Variants in RYR3 observed in about 807,000 individuals in gnomAD.
The protein encoded by RYR3 is brain ryanodine receptor-calcium release channel.
A neutral mutation model predicts 584.3 loss-of-function variants in RYR3; 207 were observed. That is an observed-to-expected ratio of 0.35 (90% CI 0.32 to 0.40). The LOEUF (loss-of-function observed/expected upper bound fraction) is 0.40, where lower values mean the gene tolerates loss of function less well. RYR3 is among the 10% of genes least tolerant of loss of function. RYR3 has a pLI of 1.00. For synonymous variants in RYR3, 2,416 were observed against 2,248.5 expected (o/e 1.07, Z -2.11); for missense variants, 5,616 against 6,089.2 (o/e 0.92, Z 2.59).
In RYR3 at chr15:33,813,547, T is replaced by C; in HGVS notation, c.10470T>C (p.Cys3490=). 5 of 1,613,978 alleles carry C rather than the reference T, an allele frequency of 3.1e-6. No individual in the cohort carries two copies. The highest frequency in any genetic ancestry group is 4.2e-6 in the Non-Finnish European group (5 of 1,179,874). Residue 3490 remains cysteine, a synonymous_variant, in exon 74 of 104, where the codon TGT becomes TGC. Transcript: ENST00000634891. ...AACGGAAACGGGCAGTGGTGGCCTG[T>C]TTCAGGATGGCCCCTCTCTACAACC... is the stretch of plus-strand genomic sequence containing the variant. ...SKQRKRAVVA[C]FRMAPLYNLP... is the part of the protein sequence containing the mutation.
chr15:33,407,872 C>G (rs2043130174), intron 1 of RYR3, among the ~76,000 whole-genome samples: 1 of 152,076 alleles, frequency 6.6e-6, no homozygotes, highest in African/African-American at 2.4e-5. Context: ...TTTCCTGTGG[C>G]ATGTATATAT....
intron 1 of RYR3, among the ~76,000 whole-genome samples, chr15:33,440,113 C>T (rs920940580): frequency 7.9e-5 from 12 of 152,078 alleles, no homozygotes. Flanking sequence ...CATAGGGAGA[C>T]CCTGCTTCTA....
At chr15:33,483,983 A>AGT (rs995651820) in intron 2 of RYR3, among the ~76,000 whole-genome samples, 14 of 152,192 alleles carry the variant, frequency 9.2e-5, no homozygotes, top group African/African-American at 3.4e-4. Context: ...ATCTTTAAAA[A>AGT]GTAATATTCC....
At chr15:33,354,357 A>G (rs1750625029) in intron 1 of RYR3, among the ~76,000 whole-genome samples, 2 of 152,340 alleles carry the variant, frequency 1.3e-5, no homozygotes, top group South Asian at 4.1e-4. Flanking sequence ...CACTTCTGGT[A>G]GAGCATTGCC....
intron 43 of RYR3, among the ~76,000 whole-genome samples, chr15:33,718,011 C>G (rs1466202563): frequency 6.6e-6 from 1 of 152,170 alleles, no homozygotes; most frequent in Non-Finnish European, 1.5e-5. Context: ...TCACTTAGTT[C>G]ATACAAGTTG....
chr15:33,564,500 C>A (rs1481021024), intron 11 of RYR3, among the ~76,000 whole-genome samples: 1 of 152,136 alleles, frequency 6.6e-6, no homozygotes, highest in Admixed American at 6.5e-5. Flanking sequence ...AAGAACAAAT[C>A]AAAAATAAAT....
intron 27 of RYR3, among the ~76,000 whole-genome samples, chr15:33,640,870 C>G (rs1453002611): frequency 6.6e-6 from 1 of 152,086 alleles, no homozygotes; most frequent in Non-Finnish European, 1.5e-5. Context: ...ATTCTTTGCC[C>G]TCTTATTATA....
chr15:33,487,337 G>C (rs1325835987), intron 2 of RYR3, among the ~76,000 whole-genome samples: 2 of 152,172 alleles, frequency 1.3e-5, no homozygotes, highest in African/African-American at 4.8e-5. Flanking sequence ...ATACAGAAGA[G>C]GAAAAATGAT....
rs765747906 is a variant in RYR3, at chr15:33,644,480, G to A, written c.3726G>A (p.Pro1242=). 1.2e-5 allele frequency: 19 copies of A among 1,613,716 alleles called. No individual in the cohort carries two copies. The South Asian group carries it at 1.5e-4, about 13-fold the overall frequency. ...CTATGTGGTTCAGCAAGCGCCTCCC[G>A]ACGTTTGTCAACGTGCCAAAGGATC... is the stretch of plus-strand genomic sequence containing the variant. ...DVAMWFSKRL[P]TFVNVPKDHP... The change falls in exon 28 of 104, where the codon CCG becomes CCA. Residue 1242 remains proline, a synonymous_variant. Transcript: ENST00000634891.
At chr15:33,671,737 A>G (rs920188698) in intron 38 of RYR3, among the ~76,000 whole-genome samples, 2 of 150,946 alleles carry the variant, frequency 1.3e-5, no homozygotes. Flanking sequence ...TGAGTTACCC[A>G]TATGTCTCCT....
intron 1 of RYR3, among the ~76,000 whole-genome samples, chr15:33,366,694 G>T (rs1975546948): frequency 6.6e-6 from 1 of 152,200 alleles, no homozygotes; most frequent in Non-Finnish European, 1.5e-5. Context: ...GTGTTGAGGA[G>T]CCTCAGTGTG....
intron 3 of RYR3, among the ~76,000 whole-genome samples, chr15:33,517,447 A>T (rs186508694): frequency 1.2e-4 from 19 of 152,266 alleles, no homozygotes; most frequent in African/African-American, 4.3e-4. Context: ...TGTACATTAC[A>T]ATGACCATTT....
chr15:33,568,236 A>G (rs902413074), intron 12 of RYR3, among the ~76,000 whole-genome samples: 5 of 152,216 alleles, frequency 3.3e-5, no homozygotes, highest in Non-Finnish European at 7.3e-5. Context: ...ACTGATCATG[A>G]CAAAGGTTGC....
At chr15:33,862,324 T>TCAGCCTCCTG (rs1196851463) in intron 102 of RYR3, among the ~76,000 whole-genome samples, 2 of 152,060 alleles carry the variant, frequency 1.3e-5, no homozygotes, top group East Asian at 3.9e-4. Context: ...GACATCCGCC[T>TCAGCCTCCTG]CAGCCTCCTG....
At chr15:33,498,017 A>G (rs1207733639) in intron 2 of RYR3, among the ~76,000 whole-genome samples, 1 of 152,146 alleles carries the variant, frequency 6.6e-6, no homozygotes, top group African/African-American at 2.4e-5. Context: ...CTCCAGACTC[A>G]CCCATGTTGC....
At chr15:33,321,102 C>A (rs1264398956) in intron 1 of RYR3, among the ~76,000 whole-genome samples, 2 of 152,178 alleles carry the variant, frequency 1.3e-5, no homozygotes, top group African/African-American at 4.8e-5. Flanking sequence ...ATTTTAAATT[C>A]CTCACGTCAA....
chr15:33,594,604 G>A (rs750109287), intron 16 of RYR3, among the ~76,000 whole-genome samples: 14 of 152,156 alleles, frequency 9.2e-5, no homozygotes, highest in Non-Finnish European at 1.6e-4. Context: ...AGCTCTGCAT[G>A]AGAGTTCTGA....
chr15:33,358,704 T>C (rs1033654714), intron 1 of RYR3, among the ~76,000 whole-genome samples: 2 of 151,870 alleles, frequency 1.3e-5, no homozygotes, highest in African/African-American at 4.8e-5. Flanking sequence ...TTTAATACTC[T>C]GTTAGATTTT....
intron 20 of RYR3, among the ~76,000 whole-genome samples, chr15:33,628,062 T>C (rs973523807): frequency 1.1e-4 from 16 of 152,176 alleles, no homozygotes; most frequent in African/African-American, 3.6e-4. Flanking sequence ...GGGTAACATA[T>C]TGAGCTCACT....
Sources: gnomAD v4.1 joint callset for allele counts (sites outside exome capture counted in the v4.1 genomes callset) on GRCh38, gnomAD v4.1.1 for gene constraint, MANE v1.5 for transcripts, NCBI Gene and HGNC (gene_info 2026-07-23, HGNC 2026-07-21) for gene names.